NTRK3: variants seen among roughly 807,000 people sequenced by gnomAD.
The protein encoded by NTRK3 is NT-3 growth factor receptor.
Under a neutral mutation model 91.7 loss-of-function variants are expected in NTRK3, and 24 were observed. The ratio of observed to expected loss-of-function variants is 0.26; its 90% CI spans 0.19 to 0.37. The LOEUF is 0.37. Among genes scored for constraint, NTRK3 ranks in the 10% least tolerant of loss-of-function variants. The pLI is 1.00. For missense variants in NTRK3, 880 were observed against 1,068.9 expected (o/e 0.82, Z 2.46); for synonymous variants, 483 against 404.0 (o/e 1.20, Z -2.34).
chr15:88,109,286 G>C (rs1372632600), intron 13 of NTRK3, among the ~76,000 whole-genome samples: 1 of 152,156 alleles, frequency 6.6e-6, no homozygotes, highest in Non-Finnish European at 1.5e-5. Context: ...GGGGCGTTCA[G>C]TCACCTCACC....
At chr15:88,026,666 C>T (rs2078066970) in intron 14 of NTRK3, among the ~76,000 whole-genome samples, 1 of 152,052 alleles carries the variant, frequency 6.6e-6, no homozygotes, top group Non-Finnish European at 1.5e-5. Flanking sequence ...TAGTGGTTCA[C>T]CAATTGCAAC....
intron 15 of NTRK3, among the ~76,000 whole-genome samples, chr15:87,939,526 G>C (rs943469535): frequency 2.0e-5 from 3 of 152,162 alleles, no homozygotes; most frequent in Non-Finnish European, 2.9e-5. Context: ...GCCCTCTGTG[G>C]ACAGAAACAA....
intron 13 of NTRK3, among the ~76,000 whole-genome samples, chr15:88,033,462 C>T (rs941488602): frequency 1.3e-5 from 2 of 151,732 alleles, no homozygotes; most frequent in Admixed American, 6.6e-5. Context: ...AGGTGCCTGC[C>T]ACCATGCCTG....
At chr15:88,148,739 A>G (rs16941329) in intron 5 of NTRK3, among the ~76,000 whole-genome samples, 1 of 152,194 alleles carries the variant, frequency 6.6e-6, no homozygotes, top group Non-Finnish European at 1.5e-5. Context: ...TAGTCTAATT[A>G]CCATTTTAAA....
intron 14 of NTRK3, among the ~76,000 whole-genome samples, chr15:87,988,657 C>T (rs1053249002): frequency 2.0e-5 from 3 of 152,060 alleles, no homozygotes; most frequent in African/African-American, 4.8e-5. Flanking sequence ...TTAGGGAAGA[C>T]GTTGATTTTT....
intron 5 of NTRK3, among the ~76,000 whole-genome samples, chr15:88,173,436 T>C (rs2045711975): frequency 6.6e-6 from 1 of 152,142 alleles, no homozygotes; most frequent in Middle Eastern, 3.4e-3. Flanking sequence ...ATGGGGAAAA[T>C]AGAAATCTGC....
At chr15:88,081,070 A>G (rs1307318306) in intron 13 of NTRK3, among the ~76,000 whole-genome samples, 4 of 152,228 alleles carry the variant, frequency 2.6e-5, no homozygotes, top group African/African-American at 7.2e-5. Flanking sequence ...AGCTGTGTAT[A>G]GTTCACTTCT....
At chr15:87,921,048 T>C (rs1013929123) in intron 17 of NTRK3, among the ~76,000 whole-genome samples, 1 of 152,190 alleles carries the variant, frequency 6.6e-6, no homozygotes, top group Non-Finnish European at 1.5e-5. Context: ...GAGGAAAAAC[T>C]GAGTGAAGGA....
At position 87,982,391 on chromosome 15, in the gene NTRK3, A is replaced by AG. The variant is rs570167436; in HGVS notation, c.1586-41639dup. On this transcript the variant is annotated intron_variant, in intron 14 of 18. Coordinates refer to ENST00000394480, the Ensembl canonical transcript of NTRK3. ...GTAAATGGTGAAGAAAAGGCTGAAG[A>AG]GGGGCAAATCAAAGGCATTTCCAAA... is the stretch of plus-strand genomic sequence containing the variant. Among the ~76,000 whole-genome samples the AG allele has an allele frequency of 6.4e-4, 97 of 152,322 alleles. 4 individuals are homozygous for AG. The South Asian group carries it at 0.02, about 31-fold the overall frequency.
chr15:88,065,690 G>A (rs2046591000), intron 13 of NTRK3, among the ~76,000 whole-genome samples: 2 of 152,128 alleles, frequency 1.3e-5, no homozygotes, highest in Admixed American at 6.5e-5. Flanking sequence ...AAAGTTCTTT[G>A]GAACTGTTTC....
At chr15:87,876,083 T>C (rs190330260) in exon 19 of NTRK3, 198 of 232,524 alleles carry the variant, frequency 8.5e-4, no homozygotes, top group African/African-American at 4.1e-3. Flanking sequence ...TTTCAGCTAT[T>C]TTTTCTTCTG....
At chr15:87,937,363 A>T (rs966824232) in intron 15 of NTRK3, among the ~76,000 whole-genome samples, 2 of 152,256 alleles carry the variant, frequency 1.3e-5, no homozygotes, top group African/African-American at 4.8e-5. Context: ...TGCTTTTAAA[A>T]AACCTGCTAA....
At chr15:87,925,277 A>G (rs1359332383) in intron 17 of NTRK3, among the ~76,000 whole-genome samples, 1 of 152,220 alleles carries the variant, frequency 6.6e-6, no homozygotes, top group East Asian at 1.9e-4. Flanking sequence ...TCACCTTTGT[A>G]AATCGTCTGT....
chr15:87,988,175 T>C (rs192110495), intron 14 of NTRK3, among the ~76,000 whole-genome samples: 5 of 152,316 alleles, frequency 3.3e-5, no homozygotes, highest in Admixed American at 3.3e-4. Context: ...AGTGAAGTGA[T>C]GAGAATGGCC....
chr15:88,158,753 C>G (rs2044155539), intron 5 of NTRK3, among the ~76,000 whole-genome samples: 1 of 151,814 alleles, frequency 6.6e-6, no homozygotes, highest in African/African-American at 2.4e-5. Flanking sequence ...GATGCTGGGC[C>G]TTTTCACCCG....
At chr15:88,107,885 C>A (rs1449560595) in intron 13 of NTRK3, among the ~76,000 whole-genome samples, 1 of 151,962 alleles carries the variant, frequency 6.6e-6, no homozygotes, top group African/African-American at 2.4e-5. Flanking sequence ...AAGAGACCAA[C>A]AAGCGGGAGA....
intron 14 of NTRK3, among the ~76,000 whole-genome samples, chr15:88,003,716 T>C (rs1412475353): frequency 6.6e-6 from 1 of 151,912 alleles, no homozygotes; most frequent in Non-Finnish European, 1.5e-5. Context: ...CAATATAACA[T>C]ATGGAGGAAC....
At chr15:87,934,289 C>G (rs1331131164) in intron 15 of NTRK3, among the ~76,000 whole-genome samples, 2 of 152,196 alleles carry the variant, frequency 1.3e-5, no homozygotes, top group African/African-American at 4.8e-5. Flanking sequence ...GTTGTTTCAA[C>G]TGACACACTT....
exon 16 of NTRK3, chr15:87,933,039 T>A (rs2141954294): frequency 6.2e-7 from 1 of 1,614,130 alleles, no homozygotes; most frequent in Non-Finnish European, 8.5e-7. Context: ...GTCTCCATGC[T>A]TCATGTATTC....
Sources: allele counts gnomAD v4.1 joint callset (sites outside exome capture counted in the v4.1 genomes callset), GRCh38; gene constraint gnomAD v4.1.1; transcripts MANE v1.5; gene names NCBI Gene and HGNC (gene_info 2026-07-23, HGNC 2026-07-21).